ZNF475: variants seen among roughly 807,000 people sequenced by gnomAD.
ZNF475 encodes zinc finger protein 475.
chr5:122,181,659 T>G, the ZNF475 span, among the ~76,000 whole-genome samples: 31 of 152,230 alleles, frequency 2.0e-4, 1 homozygote, highest in Non-Finnish European at 1.0e-4. Context: ...AGATAAAAAC[T>G]AAGTAATATG....
chr5:122,160,739 GTTATACTCTCGAAAAGTTAA>G, the ZNF475 span, among the ~76,000 whole-genome samples: 2 of 152,108 alleles, frequency 1.3e-5, no homozygotes, highest in Non-Finnish European at 2.9e-5. Flanking sequence ...CCATAACATA[GTTATACTCTCGAAAAGTTAA>G]TCTAACTTAA....
At chr5:122,172,560 A>G in the ZNF475 span, among the ~76,000 whole-genome samples, 1 of 152,216 alleles carries the variant, frequency 6.6e-6, no homozygotes, top group Non-Finnish European at 1.5e-5. Context: ...TGGGGAGATC[A>G]CTGTTACACT....
chr5:122,169,072 A>G, the ZNF475 span, among the ~76,000 whole-genome samples: 1 of 152,172 alleles, frequency 6.6e-6, no homozygotes, highest in African/African-American at 2.4e-5. Flanking sequence ...GAACAGATTG[A>G]TCCTCACTTG....
At chr5:122,173,756 C>G in the ZNF475 span, among the ~76,000 whole-genome samples, 4 of 152,164 alleles carry the variant, frequency 2.6e-5, no homozygotes, top group Admixed American at 2.6e-4. Context: ...ATCAACTTTC[C>G]CAGGAAACTG....
chr5:122,179,912 T>A, the ZNF475 span: 1 of 474,258 alleles, frequency 2.1e-6, no homozygotes, highest in East Asian at 3.3e-5. Flanking sequence ...TATCTTCTGA[T>A]GCTGAGACAT....
At chr5:122,167,726 A>G in the ZNF475 span, among the ~76,000 whole-genome samples, 582 of 152,366 alleles carry the variant, frequency 3.8e-3, 10 homozygotes, top group African/African-American at 0.013. Flanking sequence ...TGATGGTTTT[A>G]GAAACCTGTT....
chr5:122,171,974 G>A, the ZNF475 span, among the ~76,000 whole-genome samples: 3 of 152,038 alleles, frequency 2.0e-5, no homozygotes, highest in Admixed American at 2.0e-4. Flanking sequence ...CAAACCCTTC[G>A]GCTCAAGCAA....
At chr5:122,178,341 A>T in the ZNF475 span, among the ~76,000 whole-genome samples, 1 of 152,214 alleles carries the variant, frequency 6.6e-6, no homozygotes, top group African/African-American at 2.4e-5. Context: ...GAATGGTTGA[A>T]CTAATTTATA....
chr5:122,176,592 G>T, the ZNF475 span, among the ~76,000 whole-genome samples: 2 of 152,122 alleles, frequency 1.3e-5, no homozygotes, highest in Non-Finnish European at 2.9e-5. Flanking sequence ...GTGTCAGATT[G>T]TCACCTCCTA....
chr5:122,166,746 C>G, the ZNF475 span, among the ~76,000 whole-genome samples: 1 of 152,166 alleles, frequency 6.6e-6, no homozygotes, highest in Non-Finnish European at 1.5e-5. Flanking sequence ...CGTTGACGGA[C>G]ATTTGGGTTG....
At chr5:122,172,849 C>G in the ZNF475 span, among the ~76,000 whole-genome samples, 5 of 151,962 alleles carry the variant, frequency 3.3e-5, no homozygotes, top group Non-Finnish European at 5.9e-5. Context: ...CTGGCTATCA[C>G]GGTGAAACCC....
the ZNF475 span, chr5:122,163,206 A>T: frequency 2.0e-5 from 3 of 152,148 alleles, no homozygotes; most frequent in East Asian, 5.8e-4. Context: ...CAGCTTTTCC[A>T]CTTAGTAATC....
At chr5:122,164,908 T>C in the ZNF475 span, among the ~76,000 whole-genome samples, 6 of 152,276 alleles carry the variant, frequency 3.9e-5, no homozygotes, top group East Asian at 1.2e-3. Flanking sequence ...AACCTGATAC[T>C]GTCTCAGAGA....
the ZNF475 span, among the ~76,000 whole-genome samples, chr5:122,170,771 G>A: frequency 1.3e-3 from 200 of 152,276 alleles, no homozygotes; most frequent in African/African-American, 4.5e-3. Context: ...CTCTGATCAG[G>A]CCTTGGTCAT....
At chr5:122,182,272 C>T in the ZNF475 span, among the ~76,000 whole-genome samples, 1 of 152,154 alleles carries the variant, frequency 6.6e-6, no homozygotes, top group South Asian at 2.1e-4. Flanking sequence ...TTTTATTCAA[C>T]ACTTGAAAGA....
At chr5:122,166,450 C>T in the ZNF475 span, among the ~76,000 whole-genome samples, 1 of 152,052 alleles carries the variant, frequency 6.6e-6, no homozygotes. Context: ...CACCCATTAA[C>T]TCGTCATTTA....
the ZNF475 span, among the ~76,000 whole-genome samples, chr5:122,168,485 T>C: frequency 1.3e-5 from 2 of 152,260 alleles, no homozygotes; most frequent in African/African-American, 4.8e-5. Context: ...CCAAGGTGGA[T>C]GGATCACGAG....
At chr5:122,172,931 G>A in the ZNF475 span, among the ~76,000 whole-genome samples, 1 of 152,060 alleles carries the variant, frequency 6.6e-6, no homozygotes, top group African/African-American at 2.4e-5. Context: ...TACTCGGGAG[G>A]CTGAGGCAGG....
chr5:122,167,121 AGTT>A, the ZNF475 span, among the ~76,000 whole-genome samples: 1 of 151,236 alleles, frequency 6.6e-6, no homozygotes, highest in South Asian at 2.1e-4. Flanking sequence ...GAAGGGATGC[AGTT>A]TCAGCTTTCT....
Sources: allele counts gnomAD v4.1 joint callset (sites outside exome capture counted in the v4.1 genomes callset), GRCh38; gene constraint gnomAD v4.1.1; transcripts MANE v1.5; gene names NCBI Gene and HGNC (gene_info 2026-07-23, HGNC 2026-07-21).